The following IMPG1 variants were observed in gnomAD, a reference collection of about 807,000 sequenced individuals.
IMPG1 encodes interphotoreceptor matrix proteoglycan of 150 kDa.
In IMPG1, 85 loss-of-function variants were observed where a neutral mutation model predicts 92.0. That is an observed-to-expected ratio of 0.92 (90% CI 0.78 to 1.11). IMPG1 has a LOEUF of 1.11. Ranked by LOEUF, IMPG1 falls within the 50% of genes least tolerant of loss-of-function variation. IMPG1 has a pLI of 0.00. For synonymous variants in IMPG1, 367 were observed against 334.1 expected, an observed-to-expected ratio of 1.10 and a Z score of -1.08; for missense variants, 1,022 against 956.0, an observed-to-expected ratio of 1.07 and a Z score of -0.91.
Position 76,033,795 on chromosome 6 carries a change from G to A in IMPG1, c.497+520C>T, listed in dbSNP as rs1783690413. On this transcript the variant is annotated intron_variant, in intron 4 of 16. Transcript: ENST00000369950. ...CTCTTCTTTAATCATTTAATCTAATGAAGTTTTCCTTTTCTCTTTATTTTG... is the reference window on the plus strand; with the variant it reads ...CTCTTCTTTAATCATTTAATCTAATAAAGTTTTCCTTTTCTCTTTATTTTG... 2.0e-5 allele frequency among the ~76,000 whole-genome samples: 3 copies of A among 152,150 alleles called. 1 individual carries two copies. Among genetic ancestry groups the A allele is most frequent in the Admixed American group, 6.5e-5 (1 of 15,268 alleles).
intron 12 of IMPG1, among the ~76,000 whole-genome samples, chr6:75,981,873 C>T (rs1300074360): frequency 6.6e-6 from 1 of 152,128 alleles, no homozygotes; most frequent in Non-Finnish European, 1.5e-5. Context: ...TTTAGTAGTT[C>T]CAGAAGGAGC....
intron 4 of IMPG1, among the ~76,000 whole-genome samples, chr6:76,031,939 GA>G (rs1783659611): frequency 6.6e-6 from 1 of 152,210 alleles, no homozygotes; most frequent in South Asian, 2.1e-4. Flanking sequence ...TGTAATTTGG[GA>G]AGCTGAGCTA....
intron 15 of IMPG1, among the ~76,000 whole-genome samples, chr6:75,928,874 G>A (rs551283181): frequency 6.6e-6 from 1 of 152,328 alleles, no homozygotes; most frequent in Non-Finnish European, 1.5e-5. Flanking sequence ...TTTATTACAT[G>A]TACGGGATCT....
At chr6:76,011,657 C>T (rs890050345) in intron 7 of IMPG1, among the ~76,000 whole-genome samples, 2 of 151,478 alleles carry the variant, frequency 1.3e-5, no homozygotes, top group Non-Finnish European at 2.9e-5. Flanking sequence ...CATATGTATA[C>T]ATGTGCCATG....
intron 1 of IMPG1, among the ~76,000 whole-genome samples, chr6:76,059,833 G>A (rs372088312): frequency 5.3e-5 from 8 of 152,230 alleles, no homozygotes; most frequent in East Asian, 3.9e-4. Flanking sequence ...ATTACTGTCC[G>A]CAAAGTGTTT....
rs539550362 is a variant in IMPG1 at position 75,979,993 on chromosome 6, C to A, written c.1291+22925G>T. Among the ~76,000 whole-genome samples, 3 of 152,262 alleles carry A rather than the reference C, an allele frequency of 2.0e-5. 1 individual carries two copies. The South Asian group carries it at 6.2e-4, about 32-fold the overall frequency. ...TGAAAAAAGGATGAGAAATGAAAATCTGATTCCACACTGTATTGTATTGGG... is the reference window on the plus strand; with the variant it reads ...TGAAAAAAGGATGAGAAATGAAAATATGATTCCACACTGTATTGTATTGGG... On this transcript the variant is annotated intron_variant, in intron 12 of 16. Transcript: ENST00000369950.
intron 14 of IMPG1, among the ~76,000 whole-genome samples, chr6:75,936,991 A>G (rs1781756860): frequency 6.6e-6 from 1 of 152,214 alleles, no homozygotes; most frequent in Non-Finnish European, 1.5e-5. Flanking sequence ...TGTGTCTGGC[A>G]GTCCAACCAG....
chr6:75,944,937 A>G (rs1301831648), intron 14 of IMPG1, among the ~76,000 whole-genome samples: 1 of 152,230 alleles, frequency 6.6e-6, no homozygotes, highest in Non-Finnish European at 1.5e-5. Context: ...ACTAAAAATA[A>G]GAATTGGGCA....
intron 8 of IMPG1, among the ~76,000 whole-genome samples, chr6:76,008,383 T>A (rs1348269121): frequency 6.6e-6 from 1 of 152,188 alleles, no homozygotes; most frequent in Non-Finnish European, 1.5e-5. Flanking sequence ...ACATTTCAAA[T>A]GGTAGTTGCT....
At chr6:76,005,597 T>G in intron 9 of IMPG1, 63 bp from the exon 10 acceptor site, 1 of 1,550,224 alleles carries the variant, frequency 6.5e-7, no homozygotes, top group Non-Finnish European at 8.8e-7. Context: ...GCAAAGAGAA[T>G]CACTAGATTG....
chr6:76,030,109 C>T (rs1209533368), intron 4 of IMPG1, among the ~76,000 whole-genome samples: 1 of 152,150 alleles, frequency 6.6e-6, no homozygotes, highest in African/African-American at 2.4e-5. Context: ...GGATAAAGGG[C>T]ATGTTAATAT....
intron 14 of IMPG1, among the ~76,000 whole-genome samples, chr6:75,934,594 C>T (rs1197091789): frequency 6.6e-6 from 1 of 152,164 alleles, no homozygotes; most frequent in African/African-American, 2.4e-5. Context: ...GATCATGGTC[C>T]TTTTCATCAA....
At position 75,999,139 on chromosome 6, in the gene IMPG1, G is replaced by A. The variant is rs539200266; in HGVS notation, c.1291+3779C>T. ...CCCAAAGTGCTGGGATTACAGGCATGAGCCACTGCGCCCGGCCGATAGGAG... is the reference window on the plus strand; with the variant it reads ...CCCAAAGTGCTGGGATTACAGGCATAAGCCACTGCGCCCGGCCGATAGGAG... On this transcript the variant is annotated intron_variant, in intron 12 of 16. Transcript: ENST00000369950. Among the ~76,000 whole-genome samples the A allele has an allele frequency of 2.0e-5, 3 of 152,282 alleles. No homozygotes were observed. In the East Asian group the frequency reaches 5.8e-4, roughly 29 times the overall value.
Position 76,022,283 on chromosome 6 carries a change from G to A in IMPG1, c.563-64C>T. The A allele has an allele frequency of 3.5e-6, 3 of 858,068 alleles. No homozygotes were observed. The South Asian group carries it at 4.2e-5, about 12-fold the overall frequency. 53.2% of individuals were successfully genotyped at this position (858,068 alleles called of 1,614,324 possible). A position where few individuals can be genotyped will look rare whatever the true frequency, so the allele number is the denominator to read the frequency against. The stretch of plus-strand genomic sequence containing the variant: ...ATGGAGGAGTTTAAATTAGAACGAG[G>A]TCAAAATTCAATATGCTTTTTCTGT... On this transcript the variant is annotated intron_variant, in intron 5 of 16. Coordinates refer to ENST00000369950, the MANE Select transcript of IMPG1 (RefSeq NM_001563.4).
At chr6:75,976,039 A>G (rs899046590) in intron 12 of IMPG1, among the ~76,000 whole-genome samples, 4 of 151,920 alleles carry the variant, frequency 2.6e-5, no homozygotes, top group African/African-American at 9.7e-5. Flanking sequence ...TTTCAGGGCT[A>G]TATTGTGCTG....
chr6:76,025,303 T>C (rs1212674393), intron 4 of IMPG1, 45 bp from the exon 5 acceptor site: 1 of 1,041,686 alleles, frequency 9.6e-7, no homozygotes, highest in Non-Finnish European at 1.5e-6. Context: ...GAAAGAGAAC[T>C]TGATGACAGT....
chr6:76,001,721 A>G (rs1030513546), intron 12 of IMPG1, among the ~76,000 whole-genome samples: 4 of 152,256 alleles, frequency 2.6e-5, no homozygotes, highest in Admixed American at 1.3e-4. Context: ...CTGACACAAC[A>G]TGGAGCAGAG....
At chr6:76,064,380 T>TC (rs1420023428) in intron 1 of IMPG1, among the ~76,000 whole-genome samples, 2 of 151,596 alleles carry the variant, frequency 1.3e-5, no homozygotes, top group Non-Finnish European at 2.9e-5. Flanking sequence ...CTTTTTTTTT[T>TC]TTTTTTAATG....
intron 14 of IMPG1, among the ~76,000 whole-genome samples, chr6:75,938,667 G>C (rs1355908462): frequency 2.0e-5 from 3 of 152,038 alleles, no homozygotes; most frequent in African/African-American, 7.2e-5. Context: ...ACAAAAATTA[G>C]CCAGGCATGG....
Sources: gnomAD v4.1 joint callset for allele counts (sites outside exome capture counted in the v4.1 genomes callset) on GRCh38, gnomAD v4.1.1 for gene constraint, MANE v1.5 for transcripts, NCBI Gene and HGNC (gene_info 2026-07-23, HGNC 2026-07-21) for gene names.